EPAS1: variants seen among roughly 807,000 people sequenced by gnomAD.
EPAS1 encodes the protein endothelial PAS domain protein 1.
A neutral mutation model predicts 87.9 loss-of-function variants in EPAS1; 23 were observed. That is an observed-to-expected ratio of 0.26 (90% CI 0.19 to 0.37). The LOEUF (loss-of-function observed/expected upper bound fraction) is 0.37, where lower values mean the gene tolerates loss of function less well. Ranked by LOEUF, EPAS1 falls within the 10% of genes least tolerant of loss-of-function variation. The pLI, the probability that EPAS1 is intolerant of heterozygous loss-of-function variation, is 1.00. For synonymous variants in EPAS1, 508 were observed against 444.3 expected, an observed-to-expected ratio of 1.14 and a Z score of -1.80; for missense variants, 1,138 against 1,120.7, an observed-to-expected ratio of 1.02 and a Z score of -0.22.
At position 46,380,083 on chromosome 2, in the gene EPAS1, A is replaced by G. The variant is rs1343465578; in HGVS notation, c.1555-144A>G. 1 of 1,335,810 alleles carries G rather than the reference A, an allele frequency of 7.5e-7. No individual in the cohort carries two copies. Among genetic ancestry groups the G allele is most frequent in the East Asian group, 2.3e-5 (1 of 43,586 alleles). 82.7% of individuals were successfully genotyped at this position (1,335,810 alleles called of 1,614,324 possible). On this transcript the variant is annotated intron_variant, in intron 11 of 15. Transcript: ENST00000263734. This position sits in a 1 kb window ranked among gnomAD's most constrained non-coding sequence, Gnocchi z 4.4. ...CAGCCAAGTCTGAGGTTTTCCTGATAGGCCCTCGGGAGCCAGTGGAGGCGT... is the reference window on the plus strand; with the variant it reads ...CAGCCAAGTCTGAGGTTTTCCTGATGGGCCCTCGGGAGCCAGTGGAGGCGT...
intron 1 of EPAS1, among the ~76,000 whole-genome samples, chr2:46,331,494 A>AC (rs1683672132): frequency 6.6e-6 from 1 of 152,204 alleles, no homozygotes; most frequent in Non-Finnish European, 1.5e-5. Context: ...TAGAACTCTG[A>AC]CTGCTTTAGA....
At position 46,378,670 on chromosome 2, in the gene EPAS1, A is replaced by G. The variant is rs1210577475; in HGVS notation, c.1457A>G (p.Glu486Gly). The change falls in exon 11 of 16, where the codon GAA becomes GGA. Residue 486 changes from glutamate (E) to glycine (G), a missense_variant. Glu to Gly is a moderately conservative substitution (Grantham distance 98). Coordinates refer to ENST00000263734, the MANE Select transcript of EPAS1 (RefSeq NM_001430.5). The stretch of plus-strand genomic sequence containing the variant: ...CCTGGCCCCTAGCCCAATAGCCCTG[A>G]AGACTATTACACATCTTTGGATAAC... ...SSSCSTPNSPEDYYTSLDNDL... is the reference protein window; with the variant it reads ...SSSCSTPNSPGDYYTSLDNDL... 1.9e-6 allele frequency: 3 copies of G among 1,614,084 alleles called. No homozygotes were observed. Among genetic ancestry groups the G allele is most frequent in the Non-Finnish European group, 2.5e-6 (3 of 1,179,978 alleles).
chr2:46,344,265 G>A (rs1444718500), intron 1 of EPAS1, among the ~76,000 whole-genome samples: 1 of 152,196 alleles, frequency 6.6e-6, no homozygotes, highest in Non-Finnish European at 1.5e-5. Flanking sequence ...TCCCTACCTG[G>A]CTTTTCCTCT....
rs1305623521 is a variant in EPAS1, at chr2:46,384,684, A to ACCTCTG, written c.*27_*32dup. 1 of 1,611,134 alleles carries ACCTCTG rather than the reference A, an allele frequency of 6.2e-7. No individual in the cohort carries two copies. Among genetic ancestry groups the ACCTCTG allele is most frequent in the African/African-American group, 1.3e-5 (1 of 74,842 alleles). On this transcript the variant is annotated 3_prime_UTR_variant, in exon 16 of 16. Coordinates refer to ENST00000263734, the MANE Select transcript of EPAS1 (RefSeq NM_001430.5). Reference sequence around the variant, plus strand: ...GAGCCAGGCCTTCTACCTGGGCAGCACCTCTGCCGACGCCGTCCCACCAGC... The same window carrying ACCTCTG: ...GAGCCAGGCCTTCTACCTGGGCAGCACCTCTGCCTCTGCCGACGCCGTCCCACCAGC...
chr2:46,314,826 A>T (rs943174924), intron 1 of EPAS1, among the ~76,000 whole-genome samples: 2 of 152,176 alleles, frequency 1.3e-5, no homozygotes, highest in African/African-American at 4.8e-5. Context: ...GCATGGCCCA[A>T]CCCACTTCCA....
At chr2:46,354,064 G>A (rs987289236) in intron 2 of EPAS1, among the ~76,000 whole-genome samples, 13 of 152,228 alleles carry the variant, frequency 8.5e-5, no homozygotes, top group African/African-American at 3.1e-4. Flanking sequence ...CTCTTGGTAG[G>A]AAGATCTTGT....
rs1429678070 is a variant in EPAS1 at position 46,380,326 on chromosome 2, T to C, written c.1654T>C (p.Leu552=). Reference sequence around the variant, plus strand: ...CCCCATCTGCCCCGAGGAGCGGCTCTTGGCGGAGAACCCACAGTCCACCCC... The same window carrying C: ...CCCCATCTGCCCCGAGGAGCGGCTCCTGGCGGAGAACCCACAGTCCACCCC... ...LSPICPEERL[L]AENPQSTPQH... The change falls in exon 12 of 16, where the codon TTG becomes CTG. Residue 552 remains leucine (L), a synonymous_variant. Coordinates refer to ENST00000263734, the MANE Select transcript of EPAS1 (RefSeq NM_001430.5). The surrounding 1 kb of genome is among the most constrained non-coding windows in gnomAD (Gnocchi z 4.4). The C allele has an allele frequency of 3.1e-6, 5 of 1,614,024 alleles. No individual in the cohort carries two copies. Among genetic ancestry groups the C allele is most frequent in the Admixed American group, 1.7e-5 (1 of 60,000 alleles).
At position 46,375,640 on chromosome 2, in the gene EPAS1, C is replaced by T. The variant is rs2103662100; in HGVS notation, c.887-50C>T. 1 of 1,596,232 alleles carries T rather than the reference C, an allele frequency of 6.3e-7. No individual in the cohort carries two copies. The highest frequency in any genetic ancestry group is 1.1e-5 in the South Asian group (1 of 88,528). Reference sequence around the variant, plus strand: ...CATGCGATCTGCTGAGCCTGTGGTGCACACCCCTGCCCCACCTCCCTAAGC... The same window carrying T: ...CATGCGATCTGCTGAGCCTGTGGTGTACACCCCTGCCCCACCTCCCTAAGC... On this transcript the variant is annotated intron_variant, in intron 7 of 15. Transcript: ENST00000263734. This position sits in a 1 kb window ranked among gnomAD's most constrained non-coding sequence, Gnocchi z 4.1.
At chr2:46,363,351 TG>T (rs887089003) in intron 6 of EPAS1, among the ~76,000 whole-genome samples, 25 of 152,324 alleles carry the variant, frequency 1.6e-4, no homozygotes, top group African/African-American at 5.3e-4. Flanking sequence ...CCATAAGCAC[TG>T]GGAAAACCCT....
At chr2:46,370,210 G>C (rs1684600674) in intron 7 of EPAS1, among the ~76,000 whole-genome samples, 3 of 152,234 alleles carry the variant, frequency 2.0e-5, no homozygotes, top group Non-Finnish European at 4.4e-5. Context: ...TTGAGTCTCA[G>C]TCCCCCATAC....
chr2:46,355,997 G>T, intron 2 of EPAS1, 154 bp from the exon 3 acceptor site: 1 of 796,012 alleles, frequency 1.3e-6, no homozygotes, highest in Non-Finnish European at 2.1e-6. Context: ...CCTGCTGCCA[G>T]GCGGAGGCAG....
intron 2 of EPAS1, among the ~76,000 whole-genome samples, chr2:46,351,743 G>T (rs1035160758): frequency 6.6e-6 from 1 of 152,194 alleles, no homozygotes; most frequent in Non-Finnish European, 1.5e-5. Context: ...GGAACTTCTC[G>T]GAGTAGGAAA....
intron 4 of EPAS1, among the ~76,000 whole-genome samples, chr2:46,357,181 G>A (rs1170943280): frequency 6.6e-6 from 1 of 152,230 alleles, no homozygotes; most frequent in African/African-American, 2.4e-5. Context: ...GTTATCTATT[G>A]CTGTCTAACA....
At chr2:46,370,599 C>T (rs888954790) in intron 7 of EPAS1, among the ~76,000 whole-genome samples, 3 of 152,224 alleles carry the variant, frequency 2.0e-5, no homozygotes, top group Non-Finnish European at 2.9e-5. Flanking sequence ...TATGTAAGGA[C>T]TCTGGAAGAG....
At chr2:46,370,873 C>T (rs1684614856) in intron 7 of EPAS1, among the ~76,000 whole-genome samples, 1 of 152,096 alleles carries the variant, frequency 6.6e-6, no homozygotes, top group Non-Finnish European at 1.5e-5. Context: ...GGGCCTATAA[C>T]CCTGTACTTG....
rs539540390 is a variant in EPAS1, at chr2:46,376,732, G to T, written c.1228G>T (p.Ala410Ser). 6.2e-7 allele frequency: 1 copy of T among 1,612,590 alleles called. No homozygotes were observed. Among genetic ancestry groups the T allele is most frequent in the Admixed American group, 1.7e-5 (1 of 60,018 alleles). Reference protein sequence around the residue: ...LAQLAPTPGDAIISLDFGNQN... With the variant: ...LAQLAPTPGDSIISLDFGNQN... ...CCAGCTGGCTCCCACCCCAGGAGAC[G>T]CCATCATCTCTCTGGATTTCGGTGG... The change falls in exon 9 of 16, where the codon GCC becomes TCC. Residue 410 changes from alanine (A) to serine (S), a missense_variant. Around this residue, in one of 4 missense-constraint regions of EPAS1, gnomAD observed 284 missense variants for 258.4 expected, o/e 1.10. Coordinates refer to ENST00000263734, the MANE Select transcript of EPAS1 (RefSeq NM_001430.5).
At chr2:46,305,980 C>A (rs1418081267) in intron 1 of EPAS1, among the ~76,000 whole-genome samples, 1 of 152,136 alleles carries the variant, frequency 6.6e-6, no homozygotes, top group Non-Finnish European at 1.5e-5. Context: ...GTTTTGGTCT[C>A]ATTTTTAGTC....
chr2:46,340,165 G>C (rs1332047228), intron 1 of EPAS1, among the ~76,000 whole-genome samples: 1 of 152,150 alleles, frequency 6.6e-6, no homozygotes, highest in East Asian at 1.9e-4. Flanking sequence ...TGGAGCCCCA[G>C]ATGGGCTGCT....
intron 7 of EPAS1, among the ~76,000 whole-genome samples, chr2:46,374,533 C>A (rs1166186226): frequency 6.6e-6 from 1 of 152,076 alleles, no homozygotes; most frequent in Non-Finnish European, 1.5e-5. Flanking sequence ...ATTACCGTTA[C>A]TACTATTATT....
Sources: allele counts gnomAD v4.1 joint callset (sites outside exome capture counted in the v4.1 genomes callset), GRCh38; gene constraint gnomAD v4.1.1; regional missense constraint gnomAD v4.1.1; non-coding constraint Gnocchi (gnomAD v3.1); transcripts MANE v1.5; gene names NCBI Gene and HGNC (gene_info 2026-07-23, HGNC 2026-07-21).